Variants in HECW1 observed in about 807,000 individuals in gnomAD.
HECW1 encodes E3 ubiquitin-protein ligase HECW1.
In HECW1, 61 loss-of-function variants were observed where a neutral mutation model predicts 182.3. The observed-to-expected ratio is 0.33, with a 90% confidence interval of 0.27 to 0.41. The LOEUF (loss-of-function observed/expected upper bound fraction) is 0.41, where lower values mean the gene tolerates loss of function less well. Among genes scored for constraint, HECW1 ranks in the 10% least tolerant of loss-of-function variants. HECW1 has a pLI of 1.00. For synonymous variants in HECW1, 859 were observed against 832.6 expected, an observed-to-expected ratio of 1.03 and a Z score of -0.55; for missense variants, 1,739 against 2,108.9, an observed-to-expected ratio of 0.82 and a Z score of 3.44.
chr7:43,386,593 A>T (rs943723828), intron 6 of HECW1, among the ~76,000 whole-genome samples: 9 of 152,092 alleles, frequency 5.9e-5, no homozygotes, highest in Non-Finnish European at 2.9e-5. Flanking sequence ...AATCAGGGAG[A>T]TGTTCCTGCC....
intron 3 of HECW1, among the ~76,000 whole-genome samples, chr7:43,282,605 A>T (rs1326515766): frequency 1.3e-5 from 2 of 152,250 alleles, no homozygotes; most frequent in South Asian, 2.1e-4. Flanking sequence ...TAATAAATAG[A>T]TATCATTAAA....
chr7:43,190,099 T>A (rs1793766300), intron 2 of HECW1, among the ~76,000 whole-genome samples: 1 of 151,946 alleles, frequency 6.6e-6, no homozygotes. Context: ...GTTGTTGTTG[T>A]TGTTGTTTGT....
At chr7:43,249,917 T>G (rs1799843027) in intron 3 of HECW1, among the ~76,000 whole-genome samples, 1 of 152,148 alleles carries the variant, frequency 6.6e-6, no homozygotes, top group Non-Finnish European at 1.5e-5. Flanking sequence ...GCTTTGCAAA[T>G]GTTCTGCGGC....
chr7:43,154,163 T>C (rs1458991698), intron 2 of HECW1, among the ~76,000 whole-genome samples: 13 of 152,228 alleles, frequency 8.5e-5, no homozygotes, highest in Non-Finnish European at 4.4e-5. Context: ...CAACAATCTT[T>C]CCAAGTAGTA....
chr7:43,411,176 T>C (rs928085034), intron 8 of HECW1, among the ~76,000 whole-genome samples: 17 of 152,088 alleles, frequency 1.1e-4, no homozygotes, highest in African/African-American at 4.1e-4. Flanking sequence ...TATAAATTTG[T>C]ATATAATTTA....
intron 4 of HECW1, among the ~76,000 whole-genome samples, chr7:43,318,737 A>G (rs1246079956): frequency 6.6e-6 from 1 of 152,370 alleles, no homozygotes; most frequent in South Asian, 2.1e-4. Context: ...CAGATGCAGC[A>G]TGTGAACTGC....
chr7:43,305,251 G>T (rs1252046971), intron 3 of HECW1, among the ~76,000 whole-genome samples: 1 of 152,176 alleles, frequency 6.6e-6, no homozygotes, highest in Non-Finnish European at 1.5e-5. Flanking sequence ...ATTTCATTGT[G>T]TTTCCTACAG....
intron 2 of HECW1, among the ~76,000 whole-genome samples, chr7:43,139,410 A>T (rs576116037): frequency 1.3e-5 from 2 of 152,342 alleles, no homozygotes; most frequent in African/African-American, 4.8e-5. Context: ...TGCATAGAGG[A>T]TGAGTCAAAG....
chr7:43,157,398 A>G (rs1384831526), intron 2 of HECW1, among the ~76,000 whole-genome samples: 1 of 152,234 alleles, frequency 6.6e-6, no homozygotes, highest in African/African-American at 2.4e-5. Context: ...GATATATTAA[A>G]TCATTTCTGA....
chr7:43,177,224 C>T (rs1031942534), intron 2 of HECW1, among the ~76,000 whole-genome samples: 3 of 152,182 alleles, frequency 2.0e-5, no homozygotes, highest in Non-Finnish European at 4.4e-5. Flanking sequence ...TTAAGTGGCT[C>T]AGCTTCTGTG....
intron 24 of HECW1, among the ~76,000 whole-genome samples, chr7:43,523,368 C>A (rs1375124901): frequency 6.6e-6 from 1 of 152,122 alleles, no homozygotes; most frequent in East Asian, 1.9e-4. Context: ...AGGAGCTTGG[C>A]TTTGTGGGGC....
chr7:43,494,798 G>T (rs1398227789), intron 19 of HECW1, among the ~76,000 whole-genome samples: 1 of 152,138 alleles, frequency 6.6e-6, no homozygotes. Context: ...ACAGGTGTTA[G>T]CCACCTCACC....
chr7:43,218,555 T>C (rs907770599), intron 2 of HECW1, among the ~76,000 whole-genome samples: 21 of 152,160 alleles, frequency 1.4e-4, no homozygotes, highest in African/African-American at 5.1e-4. Flanking sequence ...AGTGTGCCTG[T>C]GACCAGCAGT....
chr7:43,218,474 C>T (rs755542844), intron 2 of HECW1, among the ~76,000 whole-genome samples: 1 of 152,090 alleles, frequency 6.6e-6, no homozygotes, highest in Non-Finnish European at 1.5e-5. Flanking sequence ...GTCCTGATAA[C>T]ACATTTTGGT....
intron 8 of HECW1, among the ~76,000 whole-genome samples, chr7:43,426,973 A>G (rs1292492750): frequency 6.6e-6 from 1 of 152,080 alleles, no homozygotes; most frequent in Non-Finnish European, 1.5e-5. Flanking sequence ...TATCTCTACT[A>G]TCTCTTTTTA....
intron 8 of HECW1, among the ~76,000 whole-genome samples, chr7:43,421,383 CA>C (rs559704300): frequency 6.6e-6 from 1 of 151,324 alleles, no homozygotes; most frequent in African/African-American, 2.4e-5. Context: ...TTGTGGAAGC[CA>C]AAAAAATCTT....
intron 24 of HECW1, among the ~76,000 whole-genome samples, chr7:43,526,106 C>T (rs1182841082): frequency 6.6e-6 from 1 of 152,166 alleles, no homozygotes; most frequent in African/African-American, 2.4e-5. Context: ...CATATTTTCC[C>T]TCTATCTATG....
At chr7:43,351,808 G>C (rs1161608094) in intron 5 of HECW1, among the ~76,000 whole-genome samples, 2 of 151,368 alleles carry the variant, frequency 1.3e-5, no homozygotes, top group African/African-American at 4.9e-5. Flanking sequence ...CTTTCCTCCT[G>C]AGGGGTTTTA....
rs1803277849 is a variant in HECW1, at chr7:43,277,296, C to T, written c.27+33364C>T. 2.6e-5 allele frequency among the ~76,000 whole-genome samples: 4 copies of T among 152,126 alleles called. No homozygotes were observed. In the South Asian group the frequency reaches 6.2e-4, roughly 24 times the overall value. ...CTCCCACTGCCACCTGCCGCCATGA[C>T]GCTGCCTCCCTGCCTTTATATGACA... On this transcript the variant is annotated intron_variant, in intron 3 of 29. Coordinates refer to ENST00000395891, the MANE Select transcript of HECW1 (RefSeq NM_015052.5).
Sources: gnomAD v4.1 joint callset for allele counts (sites outside exome capture counted in the v4.1 genomes callset) on GRCh38, gnomAD v4.1.1 for gene constraint, MANE v1.5 for transcripts, NCBI Gene and HGNC (gene_info 2026-07-23, HGNC 2026-07-21) for gene names.